The following ATG2B variants were observed in gnomAD, a reference collection of about 807,000 sequenced individuals.
ATG2B encodes the protein autophagy related 2B.
Under a neutral mutation model 241.3 loss-of-function variants are expected in ATG2B, and 121 were observed. The ratio of observed to expected loss-of-function variants is 0.50; its 90% confidence interval spans 0.43 to 0.58. ATG2B has a LOEUF of 0.58. Ranked by LOEUF, ATG2B falls within the 20% of genes least tolerant of loss-of-function variation. ATG2B has a pLI of 0.00. For missense variants in ATG2B, 2,306 were observed against 2,491.6 expected (o/e 0.93, Z 1.59); for synonymous variants, 858 against 876.6 (o/e 0.98, Z 0.37).
intron 29 of ATG2B, among the ~76,000 whole-genome samples, chr14:96,308,271 T>TAC (rs1887047458): frequency 2.6e-4 from 7 of 26,450 alleles, no homozygotes; most frequent in Non-Finnish European, 4.9e-4. Flanking sequence ...TATATATATA[T>TAC]ATATATATAT....
chr14:96,316,463 G>A, intron 21 of ATG2B, 70 bp downstream of exon 21: 1 of 1,474,744 alleles, frequency 6.8e-7, no homozygotes, highest in African/African-American at 1.4e-5. Context: ...GTTCTCAATA[G>A]ATTTTCTTTG....
intron 1 of ATG2B, among the ~76,000 whole-genome samples, chr14:96,350,861 G>A (rs1888299261): frequency 6.6e-6 from 1 of 152,200 alleles, no homozygotes; most frequent in South Asian, 2.1e-4. Context: ...AAAATGGACT[G>A]AGAAGACTAC....
At position 96,329,559 on chromosome 14, in the gene ATG2B, C is replaced by T. The variant is rs1020012686; in HGVS notation, c.1806G>A (p.Met602Ile). ...RSASRYFSTDMSIGQMEFLEC... is the reference protein window; with the variant it reads ...RSASRYFSTDISIGQMEFLEC... ...CCAAAAATTCCATTTGCCCAATGGA[C>T]ATATCAGTACTAAAATATCGGGAAG... Residue 602 changes from methionine (M) to isoleucine (I), a missense_variant, in exon 12 of 42, where the codon ATG becomes ATA. Around this residue, in one of 2 missense-constraint regions of ATG2B, gnomAD observed 1,927 missense variants for 2,011.2 expected, o/e 0.96. Transcript: ENST00000359933. 13 of 1,609,980 alleles carry T rather than the reference C, an allele frequency of 8.1e-6. No individual in the cohort carries two copies. In the African/African-American group the frequency reaches 1.3e-4, roughly 17 times the overall value.
intron 6 of ATG2B, among the ~76,000 whole-genome samples, chr14:96,335,165 A>C (rs1288708905): frequency 6.6e-6 from 1 of 152,212 alleles, no homozygotes; most frequent in Non-Finnish European, 1.5e-5. Context: ...CTCTGACAAA[A>C]GCAATTACTT....
intron 2 of ATG2B, among the ~76,000 whole-genome samples, chr14:96,346,571 A>T (rs1888174989): frequency 6.6e-6 from 1 of 152,162 alleles, no homozygotes; most frequent in Admixed American, 6.5e-5. Flanking sequence ...TGGGATTATA[A>T]TTCTGTCATT....
At chr14:96,356,085 G>A (rs557718881) in intron 1 of ATG2B, among the ~76,000 whole-genome samples, 117 of 151,798 alleles carry the variant, frequency 7.7e-4, no homozygotes, top group Middle Eastern at 3.4e-3. Context: ...GCAGAAGAAT[G>A]GCATAAACCC....
At chr14:96,298,311 T>C (rs1344673174) in intron 34 of ATG2B, among the ~76,000 whole-genome samples, 1 of 152,216 alleles carries the variant, frequency 6.6e-6, no homozygotes, top group Non-Finnish European at 1.5e-5. Flanking sequence ...GCAGCTCTCA[T>C]GGCTATTGGT....
rs185358437 is a variant in ATG2B, at chr14:96,308,326, C to T, written c.4303+1127G>A. On this transcript the variant is annotated intron_variant, in intron 29 of 41. Transcript: ENST00000359933. ...TTGAGACAGAATCTCGCTCTATTAC[C>T]CGGGCTGGAGTGCAGTGGCACAATC... Among the ~76,000 whole-genome samples the T allele has an allele frequency of 5.1e-3, 664 of 129,540 alleles. 12 individuals are homozygous for T. Among genetic ancestry groups the T allele is most frequent in the Admixed American group, 0.021 (255 of 11,946 alleles). The allele number at this position is 129,540 out of a possible 152,430, so 85.0% of individuals were successfully genotyped here. A position where few individuals can be genotyped will look rare whatever the true frequency, so the allele number is the denominator to read the frequency against.
chr14:96,352,153 T>TA (rs1393823927), intron 1 of ATG2B, among the ~76,000 whole-genome samples: 1 of 152,112 alleles, frequency 6.6e-6, no homozygotes, highest in Non-Finnish European at 1.5e-5. Context: ...CCTATCACCT[T>TA]AGTGACATCG....
chr14:96,290,688 T>G lies in ATG2B; in HGVS notation c.5702-98A>C. On this transcript the variant is annotated intron_variant, in intron 39 of 41. Coordinates refer to ENST00000359933, the MANE Select transcript of ATG2B (RefSeq NM_018036.7). The surrounding 1 kb of genome is among the most constrained non-coding windows in gnomAD (Gnocchi z 4.4). ...TTAACTCCTAAAACTGGAGGCAAAG[T>G]TTTGTGTATATGAGTACATATGTGA... The G allele has an allele frequency of 1.9e-6, 3 of 1,559,302 alleles. No individual in the cohort carries two copies. The highest frequency in any genetic ancestry group is 2.6e-6 in the Non-Finnish European group (3 of 1,148,590).
chr14:96,337,870 G>A (rs1242151263), intron 6 of ATG2B, among the ~76,000 whole-genome samples: 2 of 152,012 alleles, frequency 1.3e-5, no homozygotes, highest in Non-Finnish European at 2.9e-5. Context: ...TGGGCAGTAT[G>A]GTCATTTTCA....
chr14:96,289,935 C>T lies in ATG2B; in HGVS notation c.5857-130G>A, dbSNP rs1886439839. ...ACAAACCCTAATGAAGACACTTCTG[C>T]GTATCTGAATTCTTTACCACAAGAA... On this transcript the variant is annotated intron_variant, in intron 40 of 41. Coordinates refer to ENST00000359933, the MANE Select transcript of ATG2B (RefSeq NM_018036.7). The surrounding 1 kb of genome is among the most constrained non-coding windows in gnomAD (Gnocchi z 4.3). 1.2e-5 allele frequency: 11 copies of T among 935,106 alleles called. No homozygotes were observed. The highest frequency in any genetic ancestry group is 5.4e-5 in the East Asian group (2 of 37,264). 57.9% of individuals were successfully genotyped at this position (935,106 alleles called of 1,614,324 possible).
chr14:96,299,448 G>C (rs1320353120), intron 34 of ATG2B, among the ~76,000 whole-genome samples: 6 of 152,180 alleles, frequency 3.9e-5, no homozygotes, highest in African/African-American at 1.4e-4. Flanking sequence ...TGAAGATAGA[G>C]ATGTCTTATT....
chr14:96,291,933 T>C, intron 37 of ATG2B, 96 bp downstream of exon 37: 3 of 856,986 alleles, frequency 3.5e-6, no homozygotes, highest in Admixed American at 2.5e-5. Flanking sequence ...TTCAAACATA[T>C]ATATAAACTA....
Position 96,313,338 on chromosome 14 carries a change from A to G in ATG2B, c.3740T>C (p.Leu1247Pro). The G allele has an allele frequency of 6.3e-7, 1 of 1,580,952 alleles. No homozygotes were observed. Residue 1247 changes from leucine (L) to proline (P), a missense_variant, in exon 24 of 42, where the codon CTT becomes CCT. Leu to Pro is a moderately conservative substitution (Grantham distance 98). Around this residue, in one of 2 missense-constraint regions of ATG2B, gnomAD observed 1,927 missense variants for 2,011.2 expected, o/e 0.96. Transcript: ENST00000359933. The part of the protein sequence containing the change: ...TFHVHLWSCA[L>P]DYRPLYLPIR... Reference sequence around the variant, plus strand: ...CCATTTGTGAACTTACCTATAATCAAGTGCACAGCTCCAAAGATGAACATG... The same window carrying G: ...CCATTTGTGAACTTACCTATAATCAGGTGCACAGCTCCAAAGATGAACATG...
intron 1 of ATG2B, among the ~76,000 whole-genome samples, chr14:96,353,539 T>C (rs1032192604): frequency 2.0e-5 from 3 of 151,944 alleles, no homozygotes; most frequent in African/African-American, 7.3e-5. Flanking sequence ...GGTACGAGAA[T>C]CGCTGGAACC....
chr14:96,352,135 G>A (rs1477357727), intron 1 of ATG2B, among the ~76,000 whole-genome samples: 2 of 152,090 alleles, frequency 1.3e-5, no homozygotes. Flanking sequence ...TAATGGAGCT[G>A]AAAAATTCCT....
intron 30 of ATG2B, 124 bp from the exon 31 acceptor site, chr14:96,305,939 G>A (rs1217722849): frequency 2.8e-6 from 2 of 717,284 alleles, no homozygotes; most frequent in African/African-American, 1.8e-5. Flanking sequence ...TATAAAATAA[G>A]GTGATGGTTA....
chr14:96,285,541 A>G lies in ATG2B; in HGVS notation c.*214T>C. ...AGCAAATGCTTTAAGGACCTTTGAC[A>G]CCAGCCACCAAACATTTCTATAGGC... is the stretch of plus-strand genomic sequence containing the variant. On this transcript the variant is annotated 3_prime_UTR_variant, in exon 42 of 42. Transcript: ENST00000359933. This position sits in a 1 kb window ranked among gnomAD's most constrained non-coding sequence, Gnocchi z 4.2. The G allele has an allele frequency of 1.7e-6, 1 of 574,206 alleles. No homozygotes were observed. The highest frequency in any genetic ancestry group is 3.1e-6 in the Non-Finnish European group (1 of 322,542). The allele number at this position is 574,206 out of a possible 1,614,324, so 35.6% of individuals were successfully genotyped here.
Sources: allele counts gnomAD v4.1 joint callset (sites outside exome capture counted in the v4.1 genomes callset), GRCh38; gene constraint gnomAD v4.1.1; regional missense constraint gnomAD v4.1.1; non-coding constraint Gnocchi (gnomAD v3.1); transcripts MANE v1.5; gene names NCBI Gene and HGNC (gene_info 2026-07-23, HGNC 2026-07-21).